The following TCERG1L variants were observed in gnomAD, a reference collection of about 807,000 sequenced individuals.
TCERG1L encodes the protein transcription elongation regulator 1 like, also known as transcription elongation regulator 1-like protein.
In TCERG1L, 37 loss-of-function variants were observed where a neutral mutation model predicts 56.3. The ratio of observed to expected loss-of-function variants is 0.66; its 90% confidence interval spans 0.51 to 0.87. The LOEUF is 0.87. TCERG1L is among the 40% of genes least tolerant of loss of function. TCERG1L has a pLI of 0.00. For synonymous variants in TCERG1L, 324 were observed against 326.3 expected (o/e 0.99, Z 0.08); for missense variants, 799 against 774.2 (o/e 1.03, Z -0.38).
At chr10:131,298,257 A>T (rs1846720104) in intron 3 of TCERG1L, among the ~76,000 whole-genome samples, 1 of 149,962 alleles carries the variant, frequency 6.7e-6, no homozygotes, top group African/African-American at 2.5e-5. Context: ...TTTCATTTTC[A>T]TTCTATTCAA....
chr10:131,217,245 T>C (rs929248847), intron 4 of TCERG1L, among the ~76,000 whole-genome samples: 3 of 152,038 alleles, frequency 2.0e-5, no homozygotes, highest in Admixed American at 1.3e-4. Context: ...TAACAGTGTG[T>C]GGCCCCTCCC....
chr10:131,229,533 A>G (rs1256572275), intron 4 of TCERG1L, among the ~76,000 whole-genome samples: 5 of 152,186 alleles, frequency 3.3e-5, no homozygotes, highest in African/African-American at 1.2e-4. Context: ...GAAGGTCAAC[A>G]TGACAGTAAA....
Position 131,104,312 on chromosome 10 carries a change from C to G in TCERG1L, c.1438G>C (p.Val480Leu). The G allele has an allele frequency of 6.4e-7, 1 of 1,550,886 alleles. No individual in the cohort carries two copies. Among genetic ancestry groups the G allele is most frequent in the Non-Finnish European group, 8.7e-7 (1 of 1,146,268 alleles). The change falls in exon 10 of 12, where the codon GTG becomes CTG. Residue 480 changes from valine (V) to leucine (L), a missense_variant. Coordinates refer to ENST00000368642, the MANE Select transcript of TCERG1L (RefSeq NM_174937.4). The part of the protein sequence containing the change: ...STWEKELHKI[V>L]FDPRYLLLNS... Reference sequence around the variant, plus strand: ...AGCAGGAGATAGCGTGGGTCAAACACGATTTTGTGTAATTCTTTCTCCCAG... The same window carrying G: ...AGCAGGAGATAGCGTGGGTCAAACAGGATTTTGTGTAATTCTTTCTCCCAG...
chr10:131,168,736 CT>C (rs1401905885), intron 4 of TCERG1L, among the ~76,000 whole-genome samples: 2 of 152,212 alleles, frequency 1.3e-5, no homozygotes, highest in African/African-American at 4.8e-5. Flanking sequence ...GTGCCGGCTG[CT>C]GGCAAATAGG....
intron 8 of TCERG1L, among the ~76,000 whole-genome samples, chr10:131,122,730 G>A (rs1845526515): frequency 6.6e-6 from 1 of 152,212 alleles, no homozygotes; most frequent in African/African-American, 2.4e-5. Context: ...GGAGGGTGGT[G>A]AGAGCTCCAT....
intron 4 of TCERG1L, among the ~76,000 whole-genome samples, chr10:131,183,923 A>G (rs1845208817): frequency 6.6e-6 from 1 of 152,218 alleles, no homozygotes; most frequent in South Asian, 2.1e-4. Flanking sequence ...AGGCATTGAT[A>G]GCAGTGGGAC....
At chr10:131,276,084 G>A (rs1304130130) in intron 3 of TCERG1L, among the ~76,000 whole-genome samples, 1 of 152,166 alleles carries the variant, frequency 6.6e-6, no homozygotes, top group Non-Finnish European at 1.5e-5. Flanking sequence ...TAATTGGGTG[G>A]CTGCTAGACA....
intron 3 of TCERG1L, among the ~76,000 whole-genome samples, chr10:131,290,235 G>A (rs1019258663): frequency 2.6e-5 from 4 of 152,168 alleles, no homozygotes; most frequent in African/African-American, 7.2e-5. Flanking sequence ...GTGTGAGAGT[G>A]TATGTGTGCA....
chr10:131,093,303 C>A lies in TCERG1L; in HGVS notation c.1620G>T (p.Glu540Asp). ...GATCCCGGCCGTATTTCTCTGCAAA[C>A]TCCTTAAACGTGGTCCTGAAAAAGA... ...SKVSPRTTFK[E>D]FAEKYGRDQR... Residue 540 changes from glutamate to aspartate, a missense_variant, in exon 12 of 12, where the codon GAG (glutamate) becomes GAT (aspartate). Coordinates refer to ENST00000368642, the MANE Select transcript of TCERG1L (RefSeq NM_174937.4). 6.2e-7 allele frequency: 1 copy of A among 1,613,840 alleles called. No individual in the cohort carries two copies. Among genetic ancestry groups the A allele is most frequent in the South Asian group, 1.1e-5 (1 of 91,052 alleles).
chr10:131,251,376 C>T (rs1173739188), intron 4 of TCERG1L, among the ~76,000 whole-genome samples: 1 of 151,592 alleles, frequency 6.6e-6, no homozygotes, highest in Non-Finnish European at 1.5e-5. Flanking sequence ...ATTGCGAATC[C>T]TTGCAGTCAC....
At chr10:131,121,118 G>T (rs1179016548) in intron 8 of TCERG1L, among the ~76,000 whole-genome samples, 2 of 152,214 alleles carry the variant, frequency 1.3e-5, no homozygotes, top group Admixed American at 6.5e-5. Context: ...AGACATTCTA[G>T]TGGACCATGG....
intron 9 of TCERG1L, among the ~76,000 whole-genome samples, chr10:131,109,244 T>A (rs185900864): frequency 6.6e-6 from 1 of 152,350 alleles, no homozygotes; most frequent in Admixed American, 6.5e-5. Flanking sequence ...AATTCTTCTG[T>A]AAACTTCAGA....
At chr10:131,241,038 C>T (rs1564823511) in intron 4 of TCERG1L, among the ~76,000 whole-genome samples, 2 of 152,174 alleles carry the variant, frequency 1.3e-5, no homozygotes, top group African/African-American at 4.8e-5. Flanking sequence ...GAGAAGACAT[C>T]GCAGCAAGAG....
chr10:131,166,371 C>G (rs1249859277), intron 5 of TCERG1L, among the ~76,000 whole-genome samples: 1 of 152,260 alleles, frequency 6.6e-6, no homozygotes, highest in Non-Finnish European at 1.5e-5. Context: ...ACACGAAATG[C>G]TTCAAATGCA....
chr10:131,283,381 G>A lies in TCERG1L; in HGVS notation c.671-22937C>T, dbSNP rs74160885. Among the ~76,000 whole-genome samples the A allele has an allele frequency of 8.4e-3, 1,285 of 152,340 alleles. 22 individuals carry two copies. The highest frequency in any genetic ancestry group is 0.029 in the African/African-American group (1,203 of 41,572). On this transcript the variant is annotated intron_variant, in intron 3 of 11. Coordinates refer to ENST00000368642, the MANE Select transcript of TCERG1L (RefSeq NM_174937.4). ...GGACTGGTCTGCTCCTGGGTTGATGGTGCCCCTTAGTTCTGCAGATGCAAA... is the reference window on the plus strand; with the variant it reads ...GGACTGGTCTGCTCCTGGGTTGATGATGCCCCTTAGTTCTGCAGATGCAAA...
At chr10:131,308,487 C>T (rs562906778) in intron 2 of TCERG1L, 96 bp from the exon 3 acceptor site, 124 of 981,990 alleles carry the variant, frequency 1.3e-4, no homozygotes, top group Non-Finnish European at 1.8e-4. Context: ...TACGTTGATC[C>T]AACATTGAAC....
At chr10:131,174,179 G>A (rs2133443630) in intron 4 of TCERG1L, among the ~76,000 whole-genome samples, 1 of 152,302 alleles carries the variant, frequency 6.6e-6, no homozygotes, top group East Asian at 1.9e-4. Context: ...GGAATATGAG[G>A]CCACAGTCAG....
intron 4 of TCERG1L, among the ~76,000 whole-genome samples, chr10:131,205,951 A>C (rs1468671198): frequency 6.6e-6 from 1 of 152,184 alleles, no homozygotes; most frequent in Non-Finnish European, 1.5e-5. Context: ...CTGTGGGCAG[A>C]CAGCTTGCCA....
At chr10:131,198,042 C>T (rs1030329529) in intron 4 of TCERG1L, among the ~76,000 whole-genome samples, 3 of 112,124 alleles carry the variant, frequency 2.7e-5, no homozygotes, top group African/African-American at 5.3e-5. Flanking sequence ...CTCAGAATTG[C>T]TGTTTTTTAC....
Sources: gnomAD v4.1 joint callset for allele counts (sites outside exome capture counted in the v4.1 genomes callset) on GRCh38, gnomAD v4.1.1 for gene constraint, MANE v1.5 for transcripts, NCBI Gene and HGNC (gene_info 2026-07-23, HGNC 2026-07-21) for gene names.